Variants in PTPRN2 observed in about 807,000 individuals in gnomAD.
PTPRN2 encodes receptor-type tyrosine-protein phosphatase N2.
In PTPRN2, 74 loss-of-function variants were observed where a neutral mutation model predicts 118.8. The observed-to-expected ratio is 0.62, with a 90% CI of 0.52 to 0.76. The LOEUF is 0.76. PTPRN2 is among the 30% of genes least tolerant of loss of function. The pLI, the probability that PTPRN2 is intolerant of heterozygous loss-of-function variation, is 0.00. For synonymous variants in PTPRN2, 641 were observed against 608.0 expected (o/e 1.05, Z -0.80); for missense variants, 1,481 against 1,394.4 (o/e 1.06, Z -0.99).
chr7:158,429,575 G>T (rs1816005828), intron 2 of PTPRN2, among the ~76,000 whole-genome samples: 2 of 152,318 alleles, frequency 1.3e-5, no homozygotes, highest in South Asian at 4.1e-4. Flanking sequence ...AGCCTGGCCT[G>T]GTCCCACCTC....
At chr7:157,576,520 C>T (rs980539071) in intron 19 of PTPRN2, 93 bp downstream of exon 19, 10 of 1,309,178 alleles carry the variant, frequency 7.6e-6, no homozygotes, top group African/African-American at 1.5e-5. Context: ...ACGCGGCCCT[C>T]GGCGCCAGGG....
At chr7:158,456,652 A>G (rs1818532653) in intron 2 of PTPRN2, among the ~76,000 whole-genome samples, 1 of 152,362 alleles carries the variant, frequency 6.6e-6, no homozygotes, top group African/African-American at 2.4e-5. Flanking sequence ...GCAGTGGCTC[A>G]TGTTTCACTC....
intron 11 of PTPRN2, among the ~76,000 whole-genome samples, chr7:157,948,397 G>T (rs1468731953): frequency 6.6e-6 from 1 of 152,074 alleles, no homozygotes; most frequent in Non-Finnish European, 1.5e-5. Context: ...ATAAATGTGG[G>T]GTGTTAATTG....
intron 12 of PTPRN2, among the ~76,000 whole-genome samples, chr7:157,745,745 T>C (rs753275934): frequency 6.6e-6 from 1 of 152,134 alleles, no homozygotes; most frequent in South Asian, 2.1e-4. Flanking sequence ...AGGAAGCTGA[T>C]ACAGCAGCAA....
chr7:157,802,188 G>A (rs974684196), intron 12 of PTPRN2, among the ~76,000 whole-genome samples: 3 of 152,222 alleles, frequency 2.0e-5, no homozygotes, highest in South Asian at 2.1e-4. Flanking sequence ...TCGAGACCGC[G>A]TTGAGGCCGC....
intron 22 of PTPRN2, among the ~76,000 whole-genome samples, chr7:157,547,408 G>C (rs998499325): frequency 1.2e-4 from 19 of 152,128 alleles, no homozygotes; most frequent in African/African-American, 4.6e-4. Context: ...TCCAAGGTTG[G>C]ACCCTTCCAT....
rs1011505552 is a variant in PTPRN2, at chr7:157,539,210, G to T, written c.*1504C>A. 1.3e-5 allele frequency: 2 copies of T among 152,138 alleles called. No individual in the cohort carries two copies. Among genetic ancestry groups the T allele is most frequent in the Non-Finnish European group, 2.9e-5 (2 of 68,032 alleles). 9.4% of individuals were successfully genotyped at this position (152,138 alleles called of 1,614,324 possible). A position where few individuals can be genotyped will look rare whatever the true frequency, so the allele number is the denominator to read the frequency against. ...TTCGATTAATTAAATTCCAGATAGA[G>T]AGAAGTAATTTTGGAAAAGAAATGA... On this transcript the variant is annotated 3_prime_UTR_variant, in exon 23 of 23. Transcript: ENST00000389418.
intron 3 of PTPRN2, among the ~76,000 whole-genome samples, chr7:158,261,181 C>A (rs967039181): frequency 1.3e-5 from 2 of 152,134 alleles, no homozygotes; most frequent in Admixed American, 1.3e-4. Context: ...AGGTGGAAGA[C>A]CCTGCCTACG....
intron 15 of PTPRN2, among the ~76,000 whole-genome samples, chr7:157,605,911 C>T (rs138332943): frequency 2.0e-5 from 3 of 152,250 alleles, no homozygotes; most frequent in Admixed American, 6.5e-5. Context: ...AGCCTTCAAA[C>T]CCTCCCTGGC....
At chr7:158,250,160 T>C (rs1446272187) in intron 3 of PTPRN2, among the ~76,000 whole-genome samples, 2 of 152,030 alleles carry the variant, frequency 1.3e-5, no homozygotes, top group East Asian at 3.9e-4. Context: ...ATAAAGAAAA[T>C]ACTTATACTA....
chr7:158,454,124 G>A (rs1461324489), intron 2 of PTPRN2, among the ~76,000 whole-genome samples: 2 of 145,808 alleles, frequency 1.4e-5, no homozygotes, highest in Admixed American at 6.8e-5. Context: ...AAGACACAAC[G>A]CACACAATCA....
At chr7:158,072,105 G>A (rs1339928188) in intron 11 of PTPRN2, among the ~76,000 whole-genome samples, 2 of 140,136 alleles carry the variant, frequency 1.4e-5, no homozygotes, top group African/African-American at 2.6e-5. Flanking sequence ...GTAGTATGGA[G>A]GTGCTCATGG....
At chr7:158,566,392 C>A (rs1827675800) in intron 1 of PTPRN2, among the ~76,000 whole-genome samples, 1 of 152,050 alleles carries the variant, frequency 6.6e-6, no homozygotes, top group Admixed American at 6.5e-5. Context: ...AGCTCCTGAG[C>A]AATTCCAGAA....
At chr7:158,280,544 C>T (rs1156890722) in intron 3 of PTPRN2, among the ~76,000 whole-genome samples, 1 of 152,124 alleles carries the variant, frequency 6.6e-6, no homozygotes, top group Non-Finnish European at 1.5e-5. Context: ...TCTTTGAAGA[C>T]CTTTCATAGC....
chr7:157,766,143 C>T (rs186796902), intron 12 of PTPRN2, among the ~76,000 whole-genome samples: 1 of 150,754 alleles, frequency 6.6e-6, no homozygotes, highest in African/African-American at 2.4e-5. Context: ...ATCCATCATC[C>T]ACTCTTCTTC....
rs1454828933 is a variant in PTPRN2 at position 158,574,588 on chromosome 7, T to C, written c.112+12970A>G. On this transcript the variant is annotated intron_variant, in intron 1 of 22. Coordinates refer to ENST00000389418, the MANE Select transcript of PTPRN2 (RefSeq NM_002847.5). The surrounding 1 kb of genome is among the most constrained non-coding windows in gnomAD (Gnocchi z 4.6). Reference sequence around the variant, plus strand: ...TGGGCTTCCTTCCTAAGGTTAGATGTGGGGCAGCTCTGGCAGAAGAGTGAT... The same window carrying C: ...TGGGCTTCCTTCCTAAGGTTAGATGCGGGGCAGCTCTGGCAGAAGAGTGAT... Among the ~76,000 whole-genome samples, 1 of 152,206 alleles carries C rather than the reference T, an allele frequency of 6.6e-6. No individual in the cohort carries two copies. Among genetic ancestry groups the C allele is most frequent in the Non-Finnish European group, 1.5e-5 (1 of 68,036 alleles).
At chr7:158,311,975 A>C (rs2151076913) in intron 3 of PTPRN2, among the ~76,000 whole-genome samples, 1 of 152,146 alleles carries the variant, frequency 6.6e-6, no homozygotes, top group South Asian at 2.1e-4. Flanking sequence ...TCACGTGCTC[A>C]CATGTAGACA....
chr7:157,984,922 G>C (rs1339542548), intron 11 of PTPRN2, among the ~76,000 whole-genome samples: 2 of 152,120 alleles, frequency 1.3e-5, no homozygotes, highest in Non-Finnish European at 2.9e-5. Context: ...TCTGTGTAGA[G>C]GCCTCCTGGC....
At chr7:157,762,556 G>GACAC (rs1802197721) in intron 12 of PTPRN2, among the ~76,000 whole-genome samples, 1 of 136,194 alleles carries the variant, frequency 7.3e-6, no homozygotes, top group Admixed American at 8.5e-5. Context: ...AGATCACATG[G>GACAC]ACACAGGAAG....
Sources: gnomAD v4.1 joint callset for allele counts (sites outside exome capture counted in the v4.1 genomes callset) on GRCh38, gnomAD v4.1.1 for gene constraint, Gnocchi (gnomAD v3.1) non-coding constraint, MANE v1.5 for transcripts, NCBI Gene and HGNC (gene_info 2026-07-23, HGNC 2026-07-21) for gene names.